The following TENM4 variants were observed in gnomAD, a reference collection of about 807,000 sequenced individuals.
TENM4 encodes teneurin transmembrane protein 4.
In TENM4, 82 loss-of-function variants were observed where a neutral mutation model predicts 243.3. That is an observed-to-expected ratio of 0.34 (90% CI 0.28 to 0.40). The LOEUF is 0.40. Among genes scored for constraint, TENM4 ranks in the 10% least tolerant of loss-of-function variants. TENM4 has a pLI of 1.00. For missense variants in TENM4, 3,138 were observed against 3,673.3 expected, an observed-to-expected ratio of 0.85 and a Z score of 3.77; for synonymous variants, 1,412 against 1,456.3, an observed-to-expected ratio of 0.97 and a Z score of 0.69.
chr11:78,716,313 C>T lies in TENM4; in HGVS notation c.3822-3599G>A, dbSNP rs866454709. 4.6e-5 allele frequency among the ~76,000 whole-genome samples: 7 copies of T among 152,292 alleles called. 2 individuals carry two copies. In the Middle Eastern group the frequency reaches 0.024, roughly 518 times the overall value. On this transcript the variant is annotated intron_variant, in intron 25 of 33. Transcript: ENST00000278550. ...CCATTCCTGAACCCCCTCTTCTTCC[C>T]CACTGGTAGAACTGGCCTCTTCCTT...
intron 4 of TENM4, among the ~76,000 whole-genome samples, chr11:79,113,037 C>G (rs1861539727): frequency 6.6e-6 from 1 of 152,192 alleles, no homozygotes; most frequent in Admixed American, 6.5e-5. Context: ...TTTCAGGCCT[C>G]TATTCAAAGT....
intron 1 of TENM4, among the ~76,000 whole-genome samples, chr11:79,352,352 A>G (rs551575165): frequency 6.6e-6 from 1 of 152,338 alleles, no homozygotes; most frequent in South Asian, 2.1e-4. Context: ...AGGCAAGGGT[A>G]AGACCACAAC....
At chr11:78,837,772 T>G (rs563374328) in intron 12 of TENM4, among the ~76,000 whole-genome samples, 33 of 152,358 alleles carry the variant, frequency 2.2e-4, no homozygotes, top group African/African-American at 7.9e-4. Flanking sequence ...TTATAAGCAT[T>G]TTCCCATAGT....
chr11:78,812,363 C>G, intron 13 of TENM4, 47 bp from the exon 14 acceptor site: 1 of 1,531,700 alleles, frequency 6.5e-7, no homozygotes, highest in South Asian at 1.2e-5. Flanking sequence ...GTCCAGCACA[C>G]CCCAACTGCC....
intron 6 of TENM4, among the ~76,000 whole-genome samples, chr11:79,061,057 A>G (rs1860074058): frequency 1.3e-5 from 2 of 152,102 alleles, no homozygotes; most frequent in African/African-American, 4.8e-5. Context: ...AGGAACCAAG[A>G]CTTTTGTCAT....
chr11:79,026,907 C>T (rs752706819), intron 6 of TENM4, among the ~76,000 whole-genome samples: 5 of 152,138 alleles, frequency 3.3e-5, no homozygotes, highest in Non-Finnish European at 7.3e-5. Flanking sequence ...GCAAAGCTGG[C>T]CACTCTATAT....
chr11:79,158,494 C>A (rs139601388), intron 3 of TENM4, among the ~76,000 whole-genome samples: 1 of 152,146 alleles, frequency 6.6e-6, no homozygotes, highest in Non-Finnish European at 1.5e-5. Flanking sequence ...ATAGCACAAC[C>A]CTTGCATTGG....
intron 16 of TENM4, among the ~76,000 whole-genome samples, chr11:78,785,432 G>A (rs568874536): frequency 6.6e-6 from 1 of 152,282 alleles, no homozygotes; most frequent in African/African-American, 2.4e-5. Context: ...AGATGCCTCA[G>A]TGGAAAACCA....
At chr11:78,984,056 C>T (rs117634762) in intron 6 of TENM4, among the ~76,000 whole-genome samples, 3,151 of 152,240 alleles carry the variant, frequency 0.021, 55 homozygotes, top group Middle Eastern at 0.044. Context: ...GCTCTTCGGA[C>T]TCTGGCTTTC....
intron 23 of TENM4, among the ~76,000 whole-genome samples, chr11:78,725,263 C>T (rs1354218285): frequency 3.9e-5 from 6 of 152,146 alleles, no homozygotes; most frequent in African/African-American, 1.2e-4. Context: ...TGTATTCTAT[C>T]GTAAATTTTA....
chr11:79,330,214 C>T (rs913542672), intron 1 of TENM4, among the ~76,000 whole-genome samples: 2 of 152,164 alleles, frequency 1.3e-5, no homozygotes, highest in Non-Finnish European at 2.9e-5. Flanking sequence ...GTGTGAGCTG[C>T]CAATTCCAGC....
At chr11:78,804,731 A>G (rs187368835) in intron 15 of TENM4, among the ~76,000 whole-genome samples, 1 of 152,314 alleles carries the variant, frequency 6.6e-6, no homozygotes, top group African/African-American at 2.4e-5. Flanking sequence ...GGGTCAGGCC[A>G]TGCTGAGTCC....
chr11:78,793,240 G>T (rs1243975666), intron 15 of TENM4, among the ~76,000 whole-genome samples: 1 of 152,134 alleles, frequency 6.6e-6, no homozygotes, highest in Non-Finnish European at 1.5e-5. Flanking sequence ...TTGGAAAGAT[G>T]CTCAAAACTG....
In TENM4 at chr11:78,805,339, C is replaced by T. The variant is rs779150923; in HGVS notation, c.2132G>A (p.Gly711Glu). ...SGHGTFLPDTGLCSCDPSWTG... is the reference protein window; with the variant it reads ...SGHGTFLPDTELCSCDPSWTG... ...CCAGCTTGGGTCACAGCTGCAAAGC[C>T]CGGTGTCCGGGAGGAAGGTTCCGTG... The change falls in exon 15 of 34, where the codon GGG becomes GAG. Residue 711 changes from glycine (G) to glutamate (E), a missense_variant. Gly to Glu is a moderately conservative substitution (Grantham distance 98). Transcript: ENST00000278550. 2.2e-6 allele frequency: 3 copies of T among 1,359,580 alleles called. No individual in the cohort carries two copies. The South Asian group carries it at 4.4e-5, about 20-fold the overall frequency. 84.2% of individuals were successfully genotyped at this position (1,359,580 alleles called of 1,614,324 possible). A position where few individuals can be genotyped will look rare whatever the true frequency, so the allele number is the denominator to read the frequency against.
At chr11:79,119,907 G>A (rs1384698839) in intron 4 of TENM4, among the ~76,000 whole-genome samples, 4 of 152,176 alleles carry the variant, frequency 2.6e-5, no homozygotes, top group Non-Finnish European at 1.5e-5. Flanking sequence ...AGGTAACCAG[G>A]CTGTCTATAT....
At chr11:78,938,853 T>G (rs1244902557) in intron 6 of TENM4, among the ~76,000 whole-genome samples, 1 of 152,106 alleles carries the variant, frequency 6.6e-6, no homozygotes, top group Non-Finnish European at 1.5e-5. Flanking sequence ...AAGCTTGGAG[T>G]ATAAGCACTT....
At chr11:79,151,788 T>C (rs1002598117) in intron 3 of TENM4, among the ~76,000 whole-genome samples, 1 of 152,150 alleles carries the variant, frequency 6.6e-6, no homozygotes, top group Non-Finnish European at 1.5e-5. Context: ...TTCTCTCTGC[T>C]GGCACTTGGT....
chr11:79,323,837 G>A (rs76837973), intron 1 of TENM4, among the ~76,000 whole-genome samples: 1,761 of 152,150 alleles, frequency 0.012, 40 homozygotes, highest in African/African-American at 0.04. Flanking sequence ...ACAATCGTGT[G>A]AGTCAATTCC....
chr11:78,992,594 T>C (rs770258650), intron 6 of TENM4, among the ~76,000 whole-genome samples: 4 of 152,150 alleles, frequency 2.6e-5, no homozygotes, highest in African/African-American at 4.8e-5. Flanking sequence ...ATGTGGATCT[T>C]GAGAAAGAAC....
Sources: gnomAD v4.1 joint callset for allele counts (sites outside exome capture counted in the v4.1 genomes callset) on GRCh38, gnomAD v4.1.1 for gene constraint, MANE v1.5 for transcripts, NCBI Gene and HGNC (gene_info 2026-07-23, HGNC 2026-07-21) for gene names.